ZCWPW2: variants seen among roughly 807,000 people sequenced by gnomAD.
ZCWPW2 encodes zinc finger CW-type and PWWP domain containing 2, also known as zinc finger CW-type PWWP domain protein 2.
A neutral mutation model predicts 46.6 loss-of-function variants in ZCWPW2; 45 were observed. That is an observed-to-expected ratio of 0.96 (90% CI 0.76 to 1.24). The LOEUF is 1.24. Among genes scored for constraint, ZCWPW2 ranks in the 50% most tolerant of loss-of-function variants. The probability of loss-of-function intolerance (pLI) is 0.00; values close to 1 mark genes in which losing one functional copy is unlikely to be tolerated. For synonymous variants in ZCWPW2, 152 were observed against 137.1 expected (o/e 1.11, Z -0.76); for missense variants, 429 against 403.9 (o/e 1.06, Z -0.53).
At chr3:28,437,396 G>A (rs1697545067) in intron 4 of ZCWPW2, among the ~76,000 whole-genome samples, 2 of 152,292 alleles carry the variant, frequency 1.3e-5, no homozygotes, top group Admixed American at 1.3e-4. Context: ...CAGTGCATAT[G>A]TGAAGGTGGT....
chr3:28,502,200 C>G (rs1342381125), intron 6 of ZCWPW2, among the ~76,000 whole-genome samples: 1 of 152,030 alleles, frequency 6.6e-6, no homozygotes, highest in Non-Finnish European at 1.5e-5. Context: ...CCTCTTTTAT[C>G]TTGAATTAAA....
intron 3 of ZCWPW2, among the ~76,000 whole-genome samples, chr3:28,423,362 CT>C (rs1168607790): frequency 0.011 from 1,174 of 110,848 alleles, 7 homozygotes; most frequent in African/African-American, 0.027. Context: ...TGTGAGCTAT[CT>C]TTTTTTTTTT....
intron 4 of ZCWPW2, among the ~76,000 whole-genome samples, chr3:28,444,054 G>A (rs919962242): frequency 1.3e-5 from 2 of 152,050 alleles, no homozygotes; most frequent in Admixed American, 1.3e-4. Flanking sequence ...AACTCCCCAA[G>A]CTGCAACATT....
At chr3:28,472,354 T>C (rs1214575236) in intron 4 of ZCWPW2, among the ~76,000 whole-genome samples, 1 of 152,060 alleles carries the variant, frequency 6.6e-6, no homozygotes, top group Admixed American at 6.6e-5. Flanking sequence ...ACCAAAATGG[T>C]ATGGTATTGG....
intron 6 of ZCWPW2, among the ~76,000 whole-genome samples, chr3:28,500,121 A>G (rs2125823714): frequency 6.6e-6 from 1 of 152,084 alleles, no homozygotes; most frequent in East Asian, 1.9e-4. Context: ...TTTAAGGACA[A>G]TTCCCAGTAG....
At chr3:28,399,642 C>T (rs911125682) in intron 2 of ZCWPW2, among the ~76,000 whole-genome samples, 1 of 152,188 alleles carries the variant, frequency 6.6e-6, no homozygotes, top group African/African-American at 2.4e-5. Flanking sequence ...CAGCCTGGAG[C>T]CTGGTAGACT....
chr3:28,474,618 T>TGC (rs1553640364), intron 4 of ZCWPW2, among the ~76,000 whole-genome samples: 49 of 146,550 alleles, frequency 3.3e-4, no homozygotes, highest in African/African-American at 1.0e-3. Context: ...TGTGTGTGTG[T>TGC]GTGCGCGCGC....
chr3:28,395,414 T>C (rs900329104), intron 2 of ZCWPW2, among the ~76,000 whole-genome samples: 9 of 152,062 alleles, frequency 5.9e-5, no homozygotes, highest in African/African-American at 2.2e-4. Flanking sequence ...AAGGTATTTA[T>C]CCAAAAGAAC....
chr3:28,497,884 C>T (rs546324144), intron 6 of ZCWPW2, among the ~76,000 whole-genome samples: 1 of 152,132 alleles, frequency 6.6e-6, no homozygotes, highest in African/African-American at 2.4e-5. Context: ...ACCTCTGCCC[C>T]ACTGGCAGCA....
chr3:28,462,728 G>A (rs1698685725), intron 4 of ZCWPW2, among the ~76,000 whole-genome samples: 1 of 152,158 alleles, frequency 6.6e-6, no homozygotes, highest in South Asian at 2.1e-4. Flanking sequence ...AACAACAGAA[G>A]ACATGAATTT....
intron 1 of ZCWPW2, among the ~76,000 whole-genome samples, chr3:28,350,253 G>A (rs953890936): frequency 6.6e-6 from 1 of 152,190 alleles, no homozygotes; most frequent in African/African-American, 2.4e-5. Context: ...GGCATCACAA[G>A]TTATTAGAAA....
intron 4 of ZCWPW2, chr3:28,461,566 T>C (rs1362072649): frequency 1.3e-5 from 2 of 152,176 alleles, no homozygotes; most frequent in African/African-American, 4.8e-5. Flanking sequence ...TTAAAAAATG[T>C]AGCAGCCTTT....
At chr3:28,450,999 G>A (rs1698204172) in intron 4 of ZCWPW2, among the ~76,000 whole-genome samples, 1 of 152,172 alleles carries the variant, frequency 6.6e-6, no homozygotes, top group South Asian at 2.1e-4. Context: ...GAGTGAAAGT[G>A]ATGAATATCA....
chr3:28,487,606 C>T (rs1334902906), intron 5 of ZCWPW2, among the ~76,000 whole-genome samples: 2 of 152,124 alleles, frequency 1.3e-5, no homozygotes, highest in Non-Finnish European at 2.9e-5. Context: ...ATATCTTGAT[C>T]TGGTCCTGCT....
chr3:28,448,784 C>CAAAAAAAAAAAAAAAAAAAAA (rs576935771), intron 4 of ZCWPW2, among the ~76,000 whole-genome samples: 2 of 65,356 alleles, frequency 3.1e-5, no homozygotes, highest in Non-Finnish European at 5.8e-5. Context: ...GACTCTGTCT[C>CAAAAAAAAAAAAAAAAAAAAA]AAAAAAAAAA....
At chr3:28,435,677 G>A (rs780474781) in intron 4 of ZCWPW2, among the ~76,000 whole-genome samples, 14 of 151,738 alleles carry the variant, frequency 9.2e-5, no homozygotes, top group Non-Finnish European at 1.5e-4. Context: ...TAGTAGAGGC[G>A]GGGTTTCACC....
chr3:28,420,572 A>G (rs1696728924), intron 3 of ZCWPW2, among the ~76,000 whole-genome samples: 1 of 147,248 alleles, frequency 6.8e-6, no homozygotes, highest in Non-Finnish European at 1.5e-5. Flanking sequence ...GTTTTTAATT[A>G]TACTTTATGT....
intron 2 of ZCWPW2, among the ~76,000 whole-genome samples, chr3:28,391,881 A>T (rs1043190988): frequency 1.3e-5 from 2 of 152,098 alleles, no homozygotes; most frequent in East Asian, 3.9e-4. Flanking sequence ...GCCCCTAGAG[A>T]AAGACAGGAA....
At chr3:28,420,706 GTAT>G (rs1383135101) in intron 3 of ZCWPW2, among the ~76,000 whole-genome samples, 2 of 151,424 alleles carry the variant, frequency 1.3e-5, no homozygotes, top group African/African-American at 4.9e-5. Context: ...TTTGGTAGGG[GTAT>G]TATTTATTTT....
Sources: allele counts gnomAD v4.1 joint callset (sites outside exome capture counted in the v4.1 genomes callset), GRCh38; gene constraint gnomAD v4.1.1; transcripts MANE v1.5; gene names NCBI Gene and HGNC (gene_info 2026-07-23, HGNC 2026-07-21).